ATRNL1: variants seen among roughly 807,000 people sequenced by gnomAD.
The protein encoded by ATRNL1 is attractin like 1, also known as attractin-like protein 1.
In ATRNL1, 95 loss-of-function variants were observed where a neutral mutation model predicts 182.7. The ratio of observed to expected loss-of-function variants is 0.52; its 90% confidence interval spans 0.44 to 0.62. The LOEUF is 0.62. Among genes scored for constraint, ATRNL1 ranks in the 20% least tolerant of loss-of-function variants. The pLI, the probability that ATRNL1 is intolerant of heterozygous loss-of-function variation, is 0.00. For missense variants in ATRNL1, 1,471 were observed against 1,679.5 expected (o/e 0.88, Z 2.17); for synonymous variants, 576 against 568.3 (o/e 1.01, Z -0.19).
At chr10:115,753,422 G>A (rs782786306) in intron 27 of ATRNL1, among the ~76,000 whole-genome samples, 10 of 152,152 alleles carry the variant, frequency 6.6e-5, no homozygotes, top group South Asian at 2.1e-4. Flanking sequence ...CAGAACATGC[G>A]GTGTTTGGTT....
At chr10:115,595,537 T>C (rs148803003) in intron 26 of ATRNL1, among the ~76,000 whole-genome samples, 2 of 152,272 alleles carry the variant, frequency 1.3e-5, no homozygotes, top group East Asian at 1.9e-4. Context: ...AGCTTAATTG[T>C]TGTGCAAAAA....
intron 27 of ATRNL1, among the ~76,000 whole-genome samples, chr10:115,832,646 C>T (rs1165203979): frequency 2.6e-5 from 4 of 152,200 alleles, no homozygotes; most frequent in Non-Finnish European, 5.9e-5. Context: ...AGTCTCGACT[C>T]TTCCACTCTC....
At chr10:115,831,021 C>T (rs1555093505) in intron 27 of ATRNL1, among the ~76,000 whole-genome samples, 1 of 152,130 alleles carries the variant, frequency 6.6e-6, no homozygotes, top group African/African-American at 2.4e-5. Context: ...TATTCTGCTC[C>T]CTTTCCTGTC....
intron 28 of ATRNL1, among the ~76,000 whole-genome samples, chr10:115,923,377 T>C (rs2615882): frequency 0.67 from 101,496 of 152,060 alleles, 37,745 homozygotes; most frequent in East Asian, 0.94. Context: ...TTGCTGCACC[T>C]ATTGACCCAT....
intron 26 of ATRNL1, among the ~76,000 whole-genome samples, chr10:115,656,289 A>G (rs1769938132): frequency 6.6e-6 from 1 of 152,236 alleles, no homozygotes; most frequent in East Asian, 1.9e-4. Context: ...TTGTTTTGAT[A>G]TAATATTAAA....
chr10:115,460,216 T>C (rs1179665378), intron 21 of ATRNL1, among the ~76,000 whole-genome samples: 4 of 152,146 alleles, frequency 2.6e-5, no homozygotes, highest in Admixed American at 1.3e-4. Flanking sequence ...TTCAATCCTA[T>C]GTAATTTCTG....
At chr10:115,547,465 A>G (rs1026590768) in intron 25 of ATRNL1, among the ~76,000 whole-genome samples, 3 of 151,994 alleles carry the variant, frequency 2.0e-5, no homozygotes, top group Non-Finnish European at 2.9e-5. Flanking sequence ...CAAGGATAAG[A>G]TGCTCTCATT....
intron 19 of ATRNL1, among the ~76,000 whole-genome samples, chr10:115,360,338 A>G (rs1856684214): frequency 6.6e-6 from 1 of 151,712 alleles, no homozygotes; most frequent in African/African-American, 2.4e-5. Context: ...GTTTGTTTTG[A>G]CATAAGTCCA....
At chr10:115,640,228 A>G (rs781884832) in intron 26 of ATRNL1, among the ~76,000 whole-genome samples, 8 of 152,200 alleles carry the variant, frequency 5.3e-5, no homozygotes, top group Non-Finnish European at 7.4e-5. Flanking sequence ...TAGCGCTGCA[A>G]TAAACATATA....
intron 15 of ATRNL1, among the ~76,000 whole-genome samples, chr10:115,298,914 T>C (rs1853335394): frequency 1.3e-5 from 2 of 152,192 alleles, no homozygotes; most frequent in South Asian, 4.1e-4. Flanking sequence ...CTATGTGAAA[T>C]TTATTGTATT....
At chr10:115,157,441 A>G (rs918464194) in intron 5 of ATRNL1, among the ~76,000 whole-genome samples, 2 of 152,134 alleles carry the variant, frequency 1.3e-5, no homozygotes, top group East Asian at 1.9e-4. Context: ...TTTGAATTAT[A>G]TTTATAAATC....
intron 26 of ATRNL1, among the ~76,000 whole-genome samples, chr10:115,587,320 G>A (rs1235170509): frequency 3.5e-4 from 54 of 152,252 alleles, no homozygotes; most frequent in African/African-American, 1.3e-3. Context: ...TTGTTTACCT[G>A]ACCAAGCCTT....
Position 115,120,215 on chromosome 10 carries a change from T to C in ATRNL1, c.324T>C (p.Asp108=). ...KLTEPSGYLT[D]GPINYKYKTK... ...CAGAACCTTCTGGATATTTAACAGA[T>C]GGCCCAATTAACTATAAATATAAAA... The change falls in exon 2 of 29, where the codon GAT becomes GAC. Residue 108 remains aspartate (D), a synonymous_variant. Coordinates refer to ENST00000355044, the MANE Select transcript of ATRNL1 (RefSeq NM_207303.4). 2 of 1,576,674 alleles carry C rather than the reference T, an allele frequency of 1.3e-6. No homozygotes were observed. The highest frequency in any genetic ancestry group is 1.7e-4 in the Middle Eastern group (1 of 5,802).
chr10:115,886,142 C>G (rs1387407601), intron 28 of ATRNL1, among the ~76,000 whole-genome samples: 1 of 152,010 alleles, frequency 6.6e-6, no homozygotes, highest in African/African-American at 2.4e-5. Flanking sequence ...TCATAGTATG[C>G]AGGACAAATG....
chr10:115,232,755 T>C (rs1554900318), intron 9 of ATRNL1, among the ~76,000 whole-genome samples: 1 of 152,144 alleles, frequency 6.6e-6, no homozygotes, highest in East Asian at 1.9e-4. Flanking sequence ...GAACTATTTA[T>C]TGAAAAGTCC....
chr10:115,929,797 A>G (rs1468805278), intron 28 of ATRNL1, among the ~76,000 whole-genome samples: 2 of 152,164 alleles, frequency 1.3e-5, no homozygotes, highest in Admixed American at 1.3e-4. Flanking sequence ...TTTGACTAAT[A>G]CTAGAACAAA....
intron 26 of ATRNL1, among the ~76,000 whole-genome samples, chr10:115,696,736 T>G (rs2133984877): frequency 6.6e-6 from 1 of 152,238 alleles, no homozygotes; most frequent in African/African-American, 2.4e-5. Context: ...TATAAAGAAC[T>G]ACTTGAGACT....
At position 115,488,640 on chromosome 10, in the gene ATRNL1, G is replaced by A. The variant is rs535155801; in HGVS notation, c.3654+19311G>A. Among the ~76,000 whole-genome samples the A allele has an allele frequency of 2.3e-4, 35 of 151,902 alleles. No homozygotes were observed. In the East Asian group the frequency reaches 2.7e-3, roughly 12 times the overall value. On this transcript the variant is annotated intron_variant, in intron 24 of 28. Coordinates refer to ENST00000355044, the MANE Select transcript of ATRNL1 (RefSeq NM_207303.4). The stretch of plus-strand genomic sequence containing the variant: ...CTTCTTCTTAGTCTGGCTGGCTAGC[G>A]GTCTATGTATTTTGTGGATCTTTTC...
In ATRNL1 at chr10:115,882,394, A is replaced by G. The variant is rs542682445; in HGVS notation, c.4018+34403A>G. Among the ~76,000 whole-genome samples the G allele has an allele frequency of 9.8e-5, 15 of 152,308 alleles. No homozygotes were observed. The South Asian group carries it at 2.7e-3, about 27-fold the overall frequency. On this transcript the variant is annotated intron_variant, in intron 28 of 28. Coordinates refer to ENST00000355044, the MANE Select transcript of ATRNL1 (RefSeq NM_207303.4). ...AGTGGCCTTAAGACGCCCCTAACCC[A>G]GGTTCTGACACCCACATTGTACTTC...
Sources: allele counts gnomAD v4.1 joint callset (sites outside exome capture counted in the v4.1 genomes callset), GRCh38; gene constraint gnomAD v4.1.1; transcripts MANE v1.5; gene names NCBI Gene and HGNC (gene_info 2026-07-23, HGNC 2026-07-21).